The following SLC9C1 variants were observed in gnomAD, a reference collection of about 807,000 sequenced individuals.
SLC9C1 encodes sodium/hydrogen exchanger 10.
SLC9C1 carries 97 observed loss-of-function variants against 140.9 expected under a neutral mutation model. The ratio of observed to expected loss-of-function variants is 0.69; its 90% CI spans 0.58 to 0.82. SLC9C1 has a LOEUF of 0.82. SLC9C1 is among the 40% of genes least tolerant of loss of function. The probability of loss-of-function intolerance (pLI) is 0.00; values close to 1 mark genes in which losing one functional copy is unlikely to be tolerated. For synonymous variants in SLC9C1, 440 were observed against 442.6 expected, an observed-to-expected ratio of 0.99 and a Z score of 0.07; for missense variants, 1,340 against 1,389.3, an observed-to-expected ratio of 0.96 and a Z score of 0.56.
At position 112,169,062 on chromosome 3, in the gene SLC9C1, C is replaced by T. The variant is rs780026426; in HGVS notation, c.3052G>A (p.Asp1018Asn). ...RKIREHLSYE[D>N]WNYNMQLKLS... ...TTTAGTTGCATATTGTAGTTCCAATCCTGTTTTAGAAAACACAATTTCAGT... is the reference window on the plus strand; with the variant it reads ...TTTAGTTGCATATTGTAGTTCCAATTCTGTTTTAGAAAACACAATTTCAGT... The change falls in exon 25 of 29, where the codon GAT becomes AAT. Residue 1018 changes from aspartate (D) to asparagine (N), a missense_variant and splice_region_variant. Coordinates refer to ENST00000305815, the MANE Select transcript of SLC9C1 (RefSeq NM_183061.3). 3 of 1,582,380 alleles carry T rather than the reference C, an allele frequency of 1.9e-6. No individual in the cohort carries two copies. The highest frequency in any genetic ancestry group is 1.7e-6 in the Non-Finnish European group (2 of 1,168,144).
chr3:112,170,968 CT>C (rs2077235019), intron 23 of SLC9C1, among the ~76,000 whole-genome samples: 1 of 152,204 alleles, frequency 6.6e-6, no homozygotes, highest in Admixed American at 6.5e-5. Context: ...AATCTTAGCA[CT>C]TTGGGAGGCT....
chr3:112,216,654 G>A (rs1156991699), intron 15 of SLC9C1, among the ~76,000 whole-genome samples: 1 of 152,150 alleles, frequency 6.6e-6, no homozygotes, highest in Non-Finnish European at 1.5e-5. Context: ...AAATCACAAT[G>A]AGATACCATC....
chr3:112,168,669 A>T (rs1274971803), intron 25 of SLC9C1, among the ~76,000 whole-genome samples: 1 of 152,202 alleles, frequency 6.6e-6, no homozygotes, highest in African/African-American at 2.4e-5. Context: ...TGCTTGGGCT[A>T]GCAAGTGCCA....
chr3:112,239,758 T>C, intron 12 of SLC9C1, 82 bp downstream of exon 12: 1 of 1,251,580 alleles, frequency 8.0e-7, no homozygotes, highest in Non-Finnish European at 1.1e-6. Context: ...TTAAAACTTG[T>C]GAATTAATAT....
At chr3:112,167,656 T>C (rs2077164661) in intron 25 of SLC9C1, among the ~76,000 whole-genome samples, 2 of 152,046 alleles carry the variant, frequency 1.3e-5, no homozygotes, top group Non-Finnish European at 2.9e-5. Flanking sequence ...AAAGAAAGTT[T>C]AATGAAAAGA....
intron 12 of SLC9C1, among the ~76,000 whole-genome samples, chr3:112,235,289 G>T (rs1234309385): frequency 2.2e-5 from 3 of 136,034 alleles, no homozygotes; most frequent in Admixed American, 7.9e-5. Context: ...TGTTATTGGT[G>T]TATAAGAATG....
intron 22 of SLC9C1, among the ~76,000 whole-genome samples, 176 bp from the exon 23 acceptor site, chr3:112,179,877 C>T (rs1385878892): frequency 2.6e-5 from 4 of 152,158 alleles, no homozygotes; most frequent in Non-Finnish European, 4.4e-5. Context: ...GATTTAGACA[C>T]AAAGCATTCT....
intron 20 of SLC9C1, chr3:112,186,097 T>A: frequency 1.1e-6 from 1 of 878,172 alleles, no homozygotes; most frequent in Non-Finnish European, 1.7e-6. Flanking sequence ...GAACTTTCTG[T>A]CTTGTTCTTA....
intron 10 of SLC9C1, among the ~76,000 whole-genome samples, chr3:112,254,096 G>T (rs565230284): frequency 1.3e-5 from 2 of 152,210 alleles, no homozygotes; most frequent in Non-Finnish European, 2.9e-5. Flanking sequence ...TTATGTAAAG[G>T]GGTAAAACTA....
intron 18 of SLC9C1, 116 bp from the exon 19 acceptor site, chr3:112,200,878 G>T: frequency 1.1e-6 from 1 of 910,750 alleles, no homozygotes; most frequent in Non-Finnish European, 1.7e-6. Context: ...GAAGTAGGAT[G>T]AAGAGGTTTT....
chr3:112,226,470 C>T (rs1210179904), intron 13 of SLC9C1, among the ~76,000 whole-genome samples: 1 of 151,486 alleles, frequency 6.6e-6, no homozygotes, highest in African/African-American at 2.4e-5. Flanking sequence ...GCCTGTAATC[C>T]CAGCACTTTC....
chr3:112,201,384 A>C (rs2077901603), intron 18 of SLC9C1, among the ~76,000 whole-genome samples: 1 of 152,060 alleles, frequency 6.6e-6, no homozygotes, highest in African/African-American at 2.4e-5. Context: ...AGTGGTTAGA[A>C]AAGGTAATAA....
At chr3:112,162,184 G>A (rs2075321535) in intron 26 of SLC9C1, among the ~76,000 whole-genome samples, 2 of 152,308 alleles carry the variant, frequency 1.3e-5, no homozygotes, top group Admixed American at 6.5e-5. Context: ...AGACAATGGG[G>A]TTATCTAGAT....
intron 27 of SLC9C1, among the ~76,000 whole-genome samples, chr3:112,153,455 C>T (rs1272321597): frequency 1.3e-5 from 2 of 151,832 alleles, no homozygotes; most frequent in African/African-American, 4.8e-5. Context: ...ATTGTTATTT[C>T]CCTTTGTTAT....
intron 20 of SLC9C1, among the ~76,000 whole-genome samples, chr3:112,194,433 C>G (rs1430789956): frequency 6.6e-6 from 1 of 152,168 alleles, no homozygotes; most frequent in African/African-American, 2.4e-5. Flanking sequence ...CTCAACATTC[C>G]AGCCAAATCT....
At position 112,141,107 on chromosome 3, in the gene SLC9C1, A is replaced by G; in HGVS notation, c.*165T>C. The G allele has an allele frequency of 1.8e-6, 1 of 550,070 alleles. No individual in the cohort carries two copies. Among genetic ancestry groups the G allele is most frequent in the Non-Finnish European group, 2.9e-6 (1 of 342,938 alleles). 34.1% of individuals were successfully genotyped at this position (550,070 alleles called of 1,614,324 possible). On this transcript the variant is annotated 3_prime_UTR_variant, in exon 29 of 29. Coordinates refer to ENST00000305815, the MANE Select transcript of SLC9C1 (RefSeq NM_183061.3). ...AATTTTGCAAAAAGTATATATGTTG[A>G]ACTGCTGGTTTCAAGGTCCAAATTT...
chr3:112,224,913 T>A (rs1254239279), intron 13 of SLC9C1, among the ~76,000 whole-genome samples: 1 of 151,994 alleles, frequency 6.6e-6, no homozygotes, highest in African/African-American at 2.4e-5. Flanking sequence ...AAACAAATGT[T>A]ATCATTATGG....
Position 112,208,418 on chromosome 3 carries a change from A to G in SLC9C1, c.1791-45T>C, listed in dbSNP as rs530383131. 32 of 1,322,472 alleles carry G rather than the reference A, an allele frequency of 2.4e-5. No homozygotes were observed. The East Asian group carries it at 4.5e-4, about 19-fold the overall frequency. 81.9% of individuals were successfully genotyped at this position (1,322,472 alleles called of 1,614,324 possible). ...TTTTATCTGATAAAAGGTTTACATT[A>G]AATGATTTTCATATATACTCATTTC... is the stretch of plus-strand genomic sequence containing the variant. On this transcript the variant is annotated intron_variant, in intron 15 of 28. Coordinates refer to ENST00000305815, the MANE Select transcript of SLC9C1 (RefSeq NM_183061.3).
intron 26 of SLC9C1, among the ~76,000 whole-genome samples, chr3:112,159,043 G>A (rs1183208328): frequency 6.6e-6 from 1 of 150,596 alleles, no homozygotes; most frequent in East Asian, 1.9e-4. Flanking sequence ...TACTAATTTT[G>A]GGTTTGGTTT....
Sources: gnomAD v4.1 joint callset for allele counts (sites outside exome capture counted in the v4.1 genomes callset) on GRCh38, gnomAD v4.1.1 for gene constraint, MANE v1.5 for transcripts, NCBI Gene and HGNC (gene_info 2026-07-23, HGNC 2026-07-21) for gene names.